The following CAMTA1 variants were observed in gnomAD, a reference collection of about 807,000 sequenced individuals.
CAMTA1 encodes the protein calmodulin binding transcription activator 1, also known as calmodulin-binding transcription activator 1.
Under a neutral mutation model 170.9 loss-of-function variants are expected in CAMTA1, and 27 were observed. The ratio of observed to expected loss-of-function variants is 0.16; its 90% CI spans 0.12 to 0.22. The LOEUF (loss-of-function observed/expected upper bound fraction) is 0.22. Among genes scored for constraint, CAMTA1 ranks in the 10% least tolerant of loss-of-function variants. CAMTA1 has a pLI of 1.00. For synonymous variants in CAMTA1, 833 were observed against 891.5 expected (o/e 0.93, Z 1.17); for missense variants, 1,619 against 2,217.2 (o/e 0.73, Z 5.42).
intron 5 of CAMTA1, among the ~76,000 whole-genome samples, chr1:7,462,244 C>A (rs368428779): frequency 5.9e-5 from 9 of 152,246 alleles, no homozygotes; most frequent in African/African-American, 2.2e-4. Context: ...TCTCCTGCCT[C>A]AGCCTCCCAA....
intron 3 of CAMTA1, among the ~76,000 whole-genome samples, chr1:7,049,622 A>C (rs1261912634): frequency 6.6e-6 from 1 of 152,014 alleles, no homozygotes; most frequent in Admixed American, 6.6e-5. Context: ...ACACCCAGCT[A>C]ATTTTTGTAT....
intron 3 of CAMTA1, among the ~76,000 whole-genome samples, chr1:6,905,522 C>CT (rs1232674647): frequency 6.6e-6 from 1 of 152,084 alleles, no homozygotes; most frequent in Non-Finnish European, 1.5e-5. Context: ...CCATCCACCT[C>CT]TGTCTTGCCC....
chr1:6,849,616 G>A (rs770149304), intron 3 of CAMTA1, among the ~76,000 whole-genome samples: 9 of 150,956 alleles, frequency 6.0e-5, no homozygotes, highest in Middle Eastern at 3.4e-3. Context: ...AATTATAGAA[G>A]TGTTAAGGAA....
intron 5 of CAMTA1, among the ~76,000 whole-genome samples, chr1:7,446,543 C>T (rs901193650): frequency 2.6e-5 from 4 of 152,142 alleles, no homozygotes; most frequent in South Asian, 2.1e-4. Flanking sequence ...CGGGTGGCCA[C>T]GGACTTGCCT....
At position 7,664,429 on chromosome 1, in the gene CAMTA1, G is replaced by A. The variant is rs200762060; in HGVS notation, c.1882G>A (p.Glu628Lys). 5.6e-5 allele frequency: 90 copies of A among 1,613,310 alleles called. No homozygotes were observed. The highest frequency in any genetic ancestry group is 1.1e-4 in the East Asian group (5 of 44,882). ...LQDASKPLPV[E>K]QNTHSSLSDS... ...GGACGCCAGCAAACCCCTCCCCGTC[G>A]AGCAGAACACCCACAGCAGCCTGAG... Residue 628 changes from glutamate (E) to lysine (K), a missense_variant, in exon 9 of 23, where the codon GAG (glutamate) becomes AAG (lysine). Physicochemically the swap from Glu to Lys is moderately conservative, Grantham distance 56. Coordinates refer to ENST00000303635, the MANE Select transcript of CAMTA1 (RefSeq NM_015215.4).
intron 5 of CAMTA1, among the ~76,000 whole-genome samples, chr1:7,449,840 G>A (rs534505955): frequency 5.3e-5 from 8 of 151,756 alleles, no homozygotes; most frequent in South Asian, 2.1e-4. Flanking sequence ...TCAGTGGAAC[G>A]GCAGGGACTC....
intron 6 of CAMTA1, among the ~76,000 whole-genome samples, chr1:7,519,615 T>C (rs1356581094): frequency 6.6e-6 from 1 of 151,832 alleles, no homozygotes; most frequent in Non-Finnish European, 1.5e-5. Flanking sequence ...GGGCCAATGA[T>C]GCCAAATCCT....
In CAMTA1 at chr1:7,664,490, A is replaced by G. The variant is rs2095985616; in HGVS notation, c.1943A>G (p.Lys648Arg). 1 of 1,613,194 alleles carries G rather than the reference A, an allele frequency of 6.2e-7. No homozygotes were observed. The highest frequency in any genetic ancestry group is 1.1e-5 in the South Asian group (1 of 91,092). ...GGCACCTTCGTGATGCCCACGGTGAAAACGGAGGCCTCGTCCCAAACCAGC... is the reference window on the plus strand; with the variant it reads ...GGCACCTTCGTGATGCCCACGGTGAGAACGGAGGCCTCGTCCCAAACCAGC... ...SGGTFVMPTV[K>R]TEASSQTSSC... The change falls in exon 9 of 23, where the codon AAA (lysine) becomes AGA (arginine). Residue 648 changes from lysine (K) to arginine (R), a missense_variant. Physicochemically the swap from Lys to Arg is conservative, Grantham distance 26. This residue lies in a region of CAMTA1 where 731 missense variants were observed against 907.6 expected (regional missense o/e 0.81). Coordinates refer to ENST00000303635, the MANE Select transcript of CAMTA1 (RefSeq NM_015215.4).
chr1:7,637,555 T>G (rs969747357), intron 6 of CAMTA1, among the ~76,000 whole-genome samples: 1 of 152,088 alleles, frequency 6.6e-6, no homozygotes, highest in African/African-American at 2.4e-5. Context: ...GCAAAGGGCA[T>G]AGCAGATCTA....
intron 3 of CAMTA1, among the ~76,000 whole-genome samples, chr1:7,054,128 G>T (rs1187177421): frequency 6.6e-6 from 1 of 152,202 alleles, no homozygotes; most frequent in East Asian, 1.9e-4. Flanking sequence ...ACAAACAGGG[G>T]TCCCCTGGGC....
intron 5 of CAMTA1, among the ~76,000 whole-genome samples, chr1:7,280,871 G>C (rs1671408439): frequency 6.6e-6 from 1 of 152,246 alleles, no homozygotes; most frequent in South Asian, 2.1e-4. Context: ...CATGGAGAAA[G>C]AAATTGGCGC....
At chr1:7,582,332 C>A (rs762584276) in intron 6 of CAMTA1, among the ~76,000 whole-genome samples, 1 of 152,312 alleles carries the variant, frequency 6.6e-6, no homozygotes. Flanking sequence ...CTCCTTCCCC[C>A]ACTCCTGAGG....
At chr1:7,336,205 C>T (rs1460147877) in intron 5 of CAMTA1, among the ~76,000 whole-genome samples, 1 of 152,190 alleles carries the variant, frequency 6.6e-6, no homozygotes, top group Non-Finnish European at 1.5e-5. Context: ...CACCTGGTCC[C>T]CCATGAAGCC....
intron 4 of CAMTA1, among the ~76,000 whole-genome samples, chr1:7,245,191 ATGTGTGTGTG>A (rs976663676): frequency 1.2e-4 from 12 of 100,332 alleles, no homozygotes; most frequent in African/African-American, 5.3e-4. Flanking sequence ...ATATATATAT[ATGTGTGTGTG>A]TATATATATA....
intron 6 of CAMTA1, among the ~76,000 whole-genome samples, chr1:7,471,829 CTGA>C (rs968665262): frequency 6.6e-6 from 1 of 152,232 alleles, no homozygotes; most frequent in Non-Finnish European, 1.5e-5. Flanking sequence ...TCAGGGCCCC[CTGA>C]CCTCCTCATG....
At chr1:7,560,402 G>A (rs1341517261) in intron 6 of CAMTA1, among the ~76,000 whole-genome samples, 1 of 152,240 alleles carries the variant, frequency 6.6e-6, no homozygotes, top group Non-Finnish European at 1.5e-5. Flanking sequence ...AGGTCTCTGC[G>A]GCAGCATGGG....
chr1:7,637,924 C>T (rs891546824), intron 6 of CAMTA1, among the ~76,000 whole-genome samples: 2 of 152,190 alleles, frequency 1.3e-5, no homozygotes, highest in Non-Finnish European at 2.9e-5. Context: ...GCATGATTAC[C>T]GCAATCCAGA....
chr1:7,688,011 C>CTTTTCTTTTTTTTT (rs2096273497), intron 11 of CAMTA1, among the ~76,000 whole-genome samples: 1 of 103,278 alleles, frequency 9.7e-6, no homozygotes, highest in Non-Finnish European at 1.9e-5. Context: ...CTCATTATTC[C>CTTTTCTTTTTTTTT]TTTTTTTTTT....
At chr1:7,338,968 A>G (rs2083590959) in intron 5 of CAMTA1, among the ~76,000 whole-genome samples, 1 of 152,196 alleles carries the variant, frequency 6.6e-6, no homozygotes, top group Admixed American at 6.5e-5. Flanking sequence ...TATGTCTTAC[A>G]TGCCTGGAGC....
Sources: allele counts gnomAD v4.1 joint callset (sites outside exome capture counted in the v4.1 genomes callset), GRCh38; gene constraint gnomAD v4.1.1; regional missense constraint gnomAD v4.1.1; transcripts MANE v1.5; gene names NCBI Gene and HGNC (gene_info 2026-07-23, HGNC 2026-07-21).